Variants in UTP4 observed in about 807,000 individuals in gnomAD.
UTP4 encodes the protein U3 small nucleolar RNA-associated protein 4 homolog.
UTP4 carries 45 observed loss-of-function variants against 82.4 expected under a neutral mutation model. That is an observed-to-expected ratio of 0.55 (90% CI 0.43 to 0.70). UTP4 has a LOEUF of 0.70. Among genes scored for constraint, UTP4 ranks in the 30% least tolerant of loss-of-function variants. UTP4 has a pLI of 0.00. For synonymous variants in UTP4, 348 were observed against 300.3 expected, an observed-to-expected ratio of 1.16 and a Z score of -1.64; for missense variants, 819 against 858.3, an observed-to-expected ratio of 0.95 and a Z score of 0.57.
chr16:69,147,752 A>G (rs1963156713), intron 6 of UTP4, among the ~76,000 whole-genome samples: 1 of 152,140 alleles, frequency 6.6e-6, no homozygotes, highest in Non-Finnish European at 1.5e-5. Context: ...GTTTTGTACA[A>G]TATTTTATTC....
intron 5 of UTP4, among the ~76,000 whole-genome samples, chr16:69,140,243 G>T (rs1466593123): frequency 6.6e-6 from 1 of 152,172 alleles, no homozygotes; most frequent in Non-Finnish European, 1.5e-5. Flanking sequence ...ATGGGCTTCT[G>T]TCATTGAGGA....
At position 69,167,399 on chromosome 16, in the gene UTP4, C is replaced by T. The variant is rs146677901; in HGVS notation, c.1944+214C>T. 2,281 of 559,886 alleles carry T rather than the reference C, an allele frequency of 4.1e-3. 49 individuals are homozygous for T. In the East Asian group the frequency reaches 0.041, roughly 10 times the overall value. 34.7% of individuals were successfully genotyped at this position (559,886 alleles called of 1,614,324 possible). A position where few individuals can be genotyped will look rare whatever the true frequency, so the allele number is the denominator to read the frequency against. On this transcript the variant is annotated intron_variant, in intron 16 of 16. Transcript: ENST00000314423. ...TAGAGGCAGGCACATCATACTTAAC[C>T]AAAATGAAATGCGTAAGTAGTGAGA...
chr16:69,165,675 G>T, intron 15 of UTP4, 149 bp downstream of exon 15: 1 of 748,096 alleles, frequency 1.3e-6, no homozygotes, highest in South Asian at 1.5e-5. Context: ...TTGGAGGAGA[G>T]GGGCTTTTGT....
At chr16:69,153,538 A>G (rs1163587560) in intron 8 of UTP4, 46 bp from the exon 9 acceptor site, 3 of 1,353,918 alleles carry the variant, frequency 2.2e-6, no homozygotes. Context: ...CTAAGGCAGT[A>G]GATGACCCTG....
chr16:69,163,684 TAAA>T (rs35216155), intron 14 of UTP4, among the ~76,000 whole-genome samples: 2 of 142,488 alleles, frequency 1.4e-5, no homozygotes, highest in African/African-American at 5.1e-5. Context: ...AGGAGATCTT[TAAA>T]AAAAAAAAAA....
chr16:69,140,112 G>A (rs574523130), intron 5 of UTP4, among the ~76,000 whole-genome samples, 198 bp downstream of exon 5: 58 of 152,132 alleles, frequency 3.8e-4, no homozygotes, highest in Non-Finnish European at 6.8e-4. Context: ...TGGATCTTCA[G>A]TAAGATATAG....
chr16:69,167,136 T>C lies in UTP4; in HGVS notation c.1895T>C (p.Val632Ala). The part of the protein sequence containing the change: ...NPFPPTNESD[V>A]IRRRTAHAFK... Reference sequence around the variant, plus strand: ...TTTCCTCCCACGAATGAATCAGATGTCATCCGGAGGCGCACAGCTCATGCT... The same window carrying C: ...TTTCCTCCCACGAATGAATCAGATGCCATCCGGAGGCGCACAGCTCATGCT... The change falls in exon 16 of 17, where the codon GTC (valine) becomes GCC (alanine). Residue 632 changes from valine to alanine, a missense_variant. Coordinates refer to ENST00000314423, the MANE Select transcript of UTP4 (RefSeq NM_032830.3). 6.2e-7 allele frequency: 1 copy of C among 1,614,058 alleles called. No homozygotes were observed. Among genetic ancestry groups the C allele is most frequent in the Non-Finnish European group, 8.5e-7 (1 of 1,179,912 alleles).
Position 69,156,461 on chromosome 16 carries a change from GC to G in UTP4, c.1287+470del, listed in dbSNP as rs1466322883. 4.3e-5 allele frequency among the ~76,000 whole-genome samples: 6 copies of G among 139,866 alleles called. No homozygotes were observed. In the East Asian group the frequency reaches 1.3e-3, roughly 31 times the overall value. The allele number at this position is 139,866 out of a possible 152,430, so 91.8% of individuals were successfully genotyped here. A position where few individuals can be genotyped will look rare whatever the true frequency, so the allele number is the denominator to read the frequency against. The stretch of plus-strand genomic sequence containing the variant: ...TTACAGGCGTGAGCCACCGCACCCA[GC>G]CTTTTTTTTTTTTTTGACCGAGTTT... On this transcript the variant is annotated intron_variant, in intron 11 of 16. Transcript: ENST00000314423.
intron 8 of UTP4, among the ~76,000 whole-genome samples, chr16:69,152,158 C>G (rs975373240): frequency 6.6e-6 from 1 of 151,972 alleles, no homozygotes; most frequent in Non-Finnish European, 1.5e-5. Flanking sequence ...TTTGTCTACG[C>G]TGGCATCATC....
At chr16:69,155,423 C>T (rs1368874283) in intron 10 of UTP4, among the ~76,000 whole-genome samples, 1 of 152,178 alleles carries the variant, frequency 6.6e-6, no homozygotes, top group Non-Finnish European at 1.5e-5. Context: ...CCTCAGCCTC[C>T]CAAAGTGCTG....
intron 13 of UTP4, among the ~76,000 whole-genome samples, chr16:69,161,975 GT>G (rs1334142556): frequency 2.8e-5 from 4 of 142,642 alleles, no homozygotes; most frequent in Admixed American, 7.0e-5. Flanking sequence ...TAGGCCTTTT[GT>G]TTTTTTTTTG....
In UTP4 at chr16:69,136,806, G is replaced by T. The variant is rs16958656; in HGVS notation, c.270G>T (p.Ala90=). The T allele has an allele frequency of 6.2e-7, 1 of 1,614,142 alleles. No homozygotes were observed. The highest frequency in any genetic ancestry group is 1.1e-5 in the South Asian group (1 of 91,078). Residue 90 remains alanine (A), a synonymous_variant, in exon 3 of 17, where the codon GCG becomes GCT. Coordinates refer to ENST00000314423, the MANE Select transcript of UTP4 (RefSeq NM_032830.3). The stretch of plus-strand genomic sequence containing the variant: ...AGATTATGGAGTATGATTTACAGGC[G>T]TTAAACATCAAGTATGCTATGGATG... The part of the protein sequence containing the change: ...NGEIMEYDLQ[A]LNIKYAMDAF...
In UTP4 at chr16:69,155,858, C is replaced by G. The variant is rs1391809132; in HGVS notation, c.1165-13C>G. On this transcript the variant is annotated splice_polypyrimidine_tract_variant and intron_variant, in intron 10 of 16. Coordinates refer to ENST00000314423, the MANE Select transcript of UTP4 (RefSeq NM_032830.3). ...TTTAATTGCACATTCATCTTGATTC[C>G]TGATATTGCCAGGGTCCTGAGAACA... is the stretch of plus-strand genomic sequence containing the variant. 6.2e-7 allele frequency: 1 copy of G among 1,614,114 alleles called. No homozygotes were observed. The highest frequency in any genetic ancestry group is 8.5e-7 in the Non-Finnish European group (1 of 1,180,006).
Position 69,143,356 on chromosome 16 carries a change from T to A in UTP4, c.705T>A (p.Ala235=). The A allele has an allele frequency of 1.2e-6, 2 of 1,614,194 alleles. No individual in the cohort carries two copies. The highest frequency in any genetic ancestry group is 2.2e-5 in the South Asian group (2 of 91,082). The change falls in exon 6 of 17, where the codon GCT becomes GCA. Residue 235 remains alanine, a synonymous_variant. Transcript: ENST00000314423. ...TGTLVKSHLI[A]NADVQSIAVA... ...CGCTTGTGAAGAGCCATCTCATCGCTAATGCTGACGTGCAGTCCATTGCTG... is the reference window on the plus strand; with the variant it reads ...CGCTTGTGAAGAGCCATCTCATCGCAAATGCTGACGTGCAGTCCATTGCTG...
At chr16:69,165,770 G>A in intron 15 of UTP4, 1 of 598,526 alleles carries the variant, frequency 1.7e-6, no homozygotes, top group Admixed American at 2.9e-5. Flanking sequence ...GGCTTTTGCT[G>A]ATTTGACTAT....
intron 13 of UTP4, 69 bp from the exon 14 acceptor site, chr16:69,163,014 G>A: frequency 8.3e-7 from 1 of 1,202,868 alleles, no homozygotes; most frequent in South Asian, 1.2e-5. Context: ...CCCTGACCTA[G>A]ACCATTCAAT....
chr16:69,163,891 T>TG (rs1196721953), intron 14 of UTP4, among the ~76,000 whole-genome samples: 9 of 148,600 alleles, frequency 6.1e-5, no homozygotes, highest in African/African-American at 2.3e-4. Flanking sequence ...TTTGTTTTTT[T>TG]TTTTTTTTTT....
At chr16:69,143,611 T>G (rs1333982727) in intron 6 of UTP4, among the ~76,000 whole-genome samples, 1 of 152,184 alleles carries the variant, frequency 6.6e-6, no homozygotes, top group Non-Finnish European at 1.5e-5. Context: ...AGCAGGGAGA[T>G]TTTCTTTAGA....
chr16:69,134,953 C>G (rs944026995), intron 2 of UTP4, among the ~76,000 whole-genome samples: 6 of 151,618 alleles, frequency 4.0e-5, no homozygotes, highest in African/African-American at 1.5e-4. Flanking sequence ...TCCCAAAGTG[C>G]TGGGATTACA....
Sources: allele counts gnomAD v4.1 joint callset (sites outside exome capture counted in the v4.1 genomes callset), GRCh38; gene constraint gnomAD v4.1.1; transcripts MANE v1.5; gene names NCBI Gene and HGNC (gene_info 2026-07-23, HGNC 2026-07-21).